SELP: variants seen among roughly 807,000 people sequenced by gnomAD.
SELP encodes the protein selectin P.
In SELP, 92 loss-of-function variants were observed where a neutral mutation model predicts 104.1. The observed-to-expected ratio is 0.88, with a 90% CI of 0.75 to 1.05. SELP has a LOEUF of 1.05. Ranked by LOEUF, SELP falls within the 50% of genes least tolerant of loss-of-function variation. SELP has a pLI of 0.00. For missense variants in SELP, 1,022 were observed against 1,017.3 expected (o/e 1.00, Z -0.06); for synonymous variants, 397 against 364.5 (o/e 1.09, Z -1.01).
At chr1:169,594,592 G>T in intron 13 of SELP, 100 bp downstream of exon 13, 1 of 1,152,004 alleles carries the variant, frequency 8.7e-7, no homozygotes, top group Non-Finnish European at 1.3e-6. Context: ...GAAACCCGGG[G>T]ATGGAAAGCA....
At chr1:169,609,710 C>T in intron 7 of SELP, 21 bp from the exon 8 acceptor site, 1 of 1,590,656 alleles carries the variant, frequency 6.3e-7, no homozygotes, top group Non-Finnish European at 8.6e-7. Context: ...AAGGTATCTT[C>T]TAAAGCCAGG....
intron 9 of SELP, among the ~76,000 whole-genome samples, chr1:169,603,750 A>G (rs1662040623): frequency 6.6e-6 from 1 of 152,192 alleles, no homozygotes; most frequent in South Asian, 2.1e-4. Context: ...GCAATCTATC[A>G]CTAGACAATA....
intron 1 of SELP, among the ~76,000 whole-genome samples, chr1:169,628,313 A>G (rs912304915): frequency 6.6e-6 from 1 of 152,126 alleles, no homozygotes; most frequent in Non-Finnish European, 1.5e-5. Context: ...CCTTATCCTC[A>G]TTTTCTCAGG....
At chr1:169,628,139 A>G (rs1404014083) in intron 1 of SELP, among the ~76,000 whole-genome samples, 1 of 152,160 alleles carries the variant, frequency 6.6e-6, no homozygotes, top group Non-Finnish European at 1.5e-5. Flanking sequence ...CAAGTGATCT[A>G]TGCGCCTCGG....
At chr1:169,601,610 G>A (rs3917779) in intron 10 of SELP, among the ~76,000 whole-genome samples, 32,507 of 152,142 alleles carry the variant, frequency 0.21, 6,023 homozygotes, top group African/African-American at 0.51. Flanking sequence ...GTGGAAAAGA[G>A]TAAATTCACA....
Position 169,597,106 on chromosome 1 carries a change from GA to G in SELP, c.1775del (p.Phe592SerfsTer41). ...SLDCSDTRGE[F>X]NVGSTCHFSC... Reference sequence around the variant, plus strand: ...AGAAATGGCAGGTGGAGCCAACATTGAATTCTCCACGAGTGTCAGAACAATC... The same window carrying G: ...AGAAATGGCAGGTGGAGCCAACATTGATTCTCCACGAGTGTCAGAACAATC... On this transcript the variant is annotated frameshift_variant, in exon 11 of 17. Transcript: ENST00000263686. LOFTEE classifies it high-confidence loss of function. The G allele has an allele frequency of 2.5e-6, 4 of 1,613,304 alleles. No homozygotes were observed. Among genetic ancestry groups the G allele is most frequent in the Non-Finnish European group, 2.5e-6 (3 of 1,179,596 alleles).
chr1:169,594,380 T>A (rs914177500), intron 13 of SELP, among the ~76,000 whole-genome samples: 2 of 152,166 alleles, frequency 1.3e-5, no homozygotes, highest in Admixed American at 1.3e-4. Context: ...GAAATCTGCA[T>A]GAAATAACTC....
chr1:169,602,906 C>G (rs1328324241), intron 10 of SELP, 120 bp downstream of exon 10: 1 of 672,668 alleles, frequency 1.5e-6, no homozygotes, highest in Admixed American at 3.2e-5. Flanking sequence ...TCTAGATTAC[C>G]ATTGTTGTGG....
intron 10 of SELP, among the ~76,000 whole-genome samples, chr1:169,602,296 T>C (rs1661946328): frequency 6.6e-6 from 1 of 152,190 alleles, no homozygotes; most frequent in Admixed American, 6.5e-5. Context: ...AGTGCACACA[T>C]AGTTATGCTA....
At chr1:169,593,820 G>A (rs888347443) in intron 13 of SELP, 96 bp from the exon 14 acceptor site, 1 of 1,285,474 alleles carries the variant, frequency 7.8e-7, no homozygotes, top group Non-Finnish European at 1.1e-6. Flanking sequence ...ACTCTAAGAT[G>A]TGCGATCAAG....
In SELP at chr1:169,611,527, G is replaced by A. The variant is rs866608124; in HGVS notation, c.1112C>T (p.Ser371Phe). 1 of 1,614,070 alleles carries A rather than the reference G, an allele frequency of 6.2e-7. No homozygotes were observed. The highest frequency in any genetic ancestry group is 1.1e-5 in the South Asian group (1 of 91,080). The change falls in exon 7 of 17, where the codon TCT becomes TTT. Residue 371 changes from serine (S) to phenylalanine (F), a missense_variant. Coordinates refer to ENST00000263686, the MANE Select transcript of SELP (RefSeq NM_003005.4). ...TGGCAAGGGTGCAGACCAGTGTCCA[G>A]AGTCAATGCAGCGGAGCATGTCCAA... ...RGLDMLRCID[S>F]GHWSAPLPTC...
chr1:169,615,503 G>A (rs1470007589), intron 3 of SELP, among the ~76,000 whole-genome samples: 1 of 152,136 alleles, frequency 6.6e-6, no homozygotes, highest in Non-Finnish European at 1.5e-5. Context: ...TTGCAGAAAT[G>A]GATTTTGAAG....
At chr1:169,616,644 T>C (rs1480814592) in intron 3 of SELP, among the ~76,000 whole-genome samples, 1 of 152,168 alleles carries the variant, frequency 6.6e-6, no homozygotes, top group Non-Finnish European at 1.5e-5. Context: ...ATTTACACTC[T>C]CTGTTATACA....
intron 12 of SELP, among the ~76,000 whole-genome samples, chr1:169,595,507 G>A (rs3917820): frequency 0.23 from 34,673 of 152,158 alleles, 7,078 homozygotes; most frequent in African/African-American, 0.55. Flanking sequence ...TATGTGTAGG[G>A]CGATAGCTCT....
chr1:169,591,336 G>A, intron 15 of SELP, 90 bp downstream of exon 15: 4 of 775,086 alleles, frequency 5.2e-6, no homozygotes, highest in East Asian at 2.8e-5. Flanking sequence ...AAAGGAGGCA[G>A]GCATTGCATG....
At chr1:169,629,909 G>A (rs1663552598) in intron 1 of SELP, among the ~76,000 whole-genome samples, 163 bp downstream of exon 1, 1 of 152,172 alleles carries the variant, frequency 6.6e-6, no homozygotes, top group Non-Finnish European at 1.5e-5. Flanking sequence ...GGGTCAAAGT[G>A]GACAGCAAGT....
At chr1:169,594,118 G>A (rs776328821) in intron 13 of SELP, among the ~76,000 whole-genome samples, 23 of 152,228 alleles carry the variant, frequency 1.5e-4, no homozygotes, top group African/African-American at 4.3e-4. Flanking sequence ...TTAGGGTAAG[G>A]TCCCAATAAA....
In SELP at chr1:169,613,041, A is replaced by G. The variant is rs1485770391; in HGVS notation, c.663T>C (p.Ser221=). 1.2e-6 allele frequency: 2 copies of G among 1,613,926 alleles called. No homozygotes were observed. The highest frequency in any genetic ancestry group is 2.2e-5 in the East Asian group (1 of 44,882). Residue 221 remains serine, a synonymous_variant, in exon 5 of 17, where the codon TCT becomes TCC. Transcript: ENST00000263686. ...MNCSHPLGNF[S]FNSQCSFHCT... is the part of the protein sequence containing the mutation. ...AGTGGAAGCTGCACTGCGAGTTAAAAGAGAAGTTTCCCAGAGGGTGGCTGC... is the reference window on the plus strand; with the variant it reads ...AGTGGAAGCTGCACTGCGAGTTAAAGGAGAAGTTTCCCAGAGGGTGGCTGC...
chr1:169,603,708 C>T (rs954744692), intron 9 of SELP, among the ~76,000 whole-genome samples: 2 of 152,158 alleles, frequency 1.3e-5, no homozygotes, highest in Non-Finnish European at 2.9e-5. Context: ...GTGGTGGAAT[C>T]TGCGCCCAAA....
Sources: allele counts gnomAD v4.1 joint callset (sites outside exome capture counted in the v4.1 genomes callset), GRCh38; gene constraint gnomAD v4.1.1; transcripts MANE v1.5; gene names NCBI Gene and HGNC (gene_info 2026-07-23, HGNC 2026-07-21).